AKAIN1: variants seen among roughly 807,000 people sequenced by gnomAD.
The protein encoded by AKAIN1 is A-kinase anchor inhibitor 1.
In AKAIN1, 3 loss-of-function variants were observed where a neutral mutation model predicts 3.7. The ratio of observed to expected loss-of-function variants is 0.82; its 90% confidence interval spans 0.37 to 2.12. The LOEUF (loss-of-function observed/expected upper bound fraction) is 2.12, where lower values mean the gene tolerates loss of function less well. AKAIN1 is among the 30% of genes most tolerant of loss of function. The pLI, the probability that AKAIN1 is intolerant of heterozygous loss-of-function variation, is 0.06. For missense variants in AKAIN1, 82 were observed against 82.7 expected (o/e 0.99, Z 0.03); for synonymous variants, 31 against 30.8 (o/e 1.01, Z -0.02).
rs148016819 is a variant in AKAIN1, at chr18:5,196,068, G to A, written c.16+970C>T. On this transcript the variant is annotated intron_variant, in intron 1 of 1. Coordinates refer to ENST00000434239, the MANE Select transcript of AKAIN1 (RefSeq NM_001145194.2). ...CGCCTTTTCTCCCCAGCCATCTGAA[G>A]CCCATGACCACAGCAAATACATGCC... 1.9e-4 allele frequency among the ~76,000 whole-genome samples: 29 copies of A among 152,234 alleles called. No homozygotes were observed. The East Asian group carries it at 5.2e-3, about 27-fold the overall frequency.
chr18:5,190,822 T>G (rs1008204287), intron 1 of AKAIN1, among the ~76,000 whole-genome samples: 1 of 152,284 alleles, frequency 6.6e-6, no homozygotes, highest in East Asian at 1.9e-4. Context: ...TGTCTCTTTC[T>G]GTAAAGTTAC....
At chr18:5,177,857 C>T (rs984144925) in intron 1 of AKAIN1, among the ~76,000 whole-genome samples, 1 of 152,102 alleles carries the variant, frequency 6.6e-6, no homozygotes, top group Non-Finnish European at 1.5e-5. Context: ...CTTCATTTGA[C>T]CTGGATGATT....
At chr18:5,186,368 G>T (rs1300628979) in intron 1 of AKAIN1, among the ~76,000 whole-genome samples, 1 of 151,888 alleles carries the variant, frequency 6.6e-6, no homozygotes, top group Non-Finnish European at 1.5e-5. Context: ...CTCCTGAACT[G>T]AAAATAAAAG....
At chr18:5,153,883 G>A (rs1235490705) in intron 1 of AKAIN1, among the ~76,000 whole-genome samples, 1 of 151,822 alleles carries the variant, frequency 6.6e-6, no homozygotes, top group Non-Finnish European at 1.5e-5. Context: ...TAGAAAGGGG[G>A]AGGCTGTGAA....
upstream of AKAIN1, chr18:5,197,270 G>A (rs2071354800): frequency 7.3e-7 from 1 of 1,374,498 alleles, no homozygotes; most frequent in Non-Finnish European, 9.3e-7. The surrounding 1 kb of genome is among the most constrained non-coding windows in gnomAD (Gnocchi z 6.9). Context: ...GGCCACAGCG[G>A]CGGCGGGAGG....
intron 1 of AKAIN1, among the ~76,000 whole-genome samples, chr18:5,152,167 G>T (rs957074339): frequency 6.6e-6 from 1 of 152,178 alleles, no homozygotes; most frequent in African/African-American, 2.4e-5. Context: ...CTGCGCTCTG[G>T]CCCGCTTACT....
rs539618099 is a variant in AKAIN1 at position 5,189,711 on chromosome 18, CA to C, written c.16+7326del. On this transcript the variant is annotated intron_variant, in intron 1 of 1. Coordinates refer to ENST00000434239, the MANE Select transcript of AKAIN1 (RefSeq NM_001145194.2). ...TTTCTACCAACATTCTGGTCACAAC[CA>C]CTTAAACAATCTCTGAGAAATTTCA... 1.8e-3 allele frequency among the ~76,000 whole-genome samples: 269 copies of C among 152,074 alleles called. 1 individual carries two copies. The highest frequency in any genetic ancestry group is 5.6e-3 in the African/African-American group (233 of 41,492).
intron 1 of AKAIN1, among the ~76,000 whole-genome samples, chr18:5,171,656 C>T (rs927536188): frequency 6.6e-6 from 1 of 151,874 alleles, no homozygotes; most frequent in Admixed American, 6.6e-5. Context: ...CTCACCCCAG[C>T]TAAAATGGTT....
chr18:5,189,746 C>T (rs1348295990), intron 1 of AKAIN1, among the ~76,000 whole-genome samples: 1 of 144,616 alleles, frequency 6.9e-6, no homozygotes, highest in East Asian at 2.2e-4. Context: ...CAGACTTTTC[C>T]TACAGCTCTC....
chr18:5,179,371 A>G (rs1210035706), intron 1 of AKAIN1, among the ~76,000 whole-genome samples: 2 of 152,038 alleles, frequency 1.3e-5, no homozygotes, highest in Non-Finnish European at 2.9e-5. Context: ...CACAAAAGAC[A>G]TGATTTCCTT....
Position 5,173,626 on chromosome 18 carries a change from G to A in AKAIN1, c.16+23412C>T, listed in dbSNP as rs142814215. On this transcript the variant is annotated intron_variant, in intron 1 of 1. Transcript: ENST00000434239. ...TGTTTAGCACTAGCCTAGGTGTGGC[G>A]CATAATGATTGACTAATAAATAATT... 4.6e-4 allele frequency among the ~76,000 whole-genome samples: 70 copies of A among 152,228 alleles called. 1 individual carries two copies. Among genetic ancestry groups the A allele is most frequent in the Admixed American group, 2.6e-3 (39 of 15,274 alleles).
rs745657091 is a variant in AKAIN1 at position 5,145,597 on chromosome 18, C to T, written c.175G>A (p.Val59Ile). ...SDNRDHIQLG[V>I]GELTKKHEKK ...TCGTGCTTCTTGGTTAACTCCCCAA[C>T]GCCCAGTTGGATGTGGTCCCGGTTG... The change falls in exon 2 of 2, where the codon GTT becomes ATT. Residue 59 changes from valine to isoleucine, a missense_variant. By Grantham distance (29) the Val-to-Ile change is conservative. Coordinates refer to ENST00000434239, the MANE Select transcript of AKAIN1 (RefSeq NM_001145194.2). 6.1e-5 allele frequency: 95 copies of T among 1,551,524 alleles called. No individual in the cohort carries two copies. The highest frequency in any genetic ancestry group is 1.2e-4 in the African/African-American group (9 of 73,044).
At chr18:5,174,544 C>T (rs2071215137) in intron 1 of AKAIN1, among the ~76,000 whole-genome samples, 2 of 152,080 alleles carry the variant, frequency 1.3e-5, no homozygotes, top group South Asian at 4.1e-4. Context: ...AGTTCGAGAC[C>T]AGCCTGGCCA....
chr18:5,192,790 G>A (rs1351751396), intron 1 of AKAIN1, among the ~76,000 whole-genome samples: 2 of 152,034 alleles, frequency 1.3e-5, no homozygotes, highest in African/African-American at 4.8e-5. Flanking sequence ...AGATTGGTGG[G>A]GTGAGGGGGA....
At chr18:5,159,984 C>T (rs912639651) in intron 1 of AKAIN1, among the ~76,000 whole-genome samples, 1 of 152,170 alleles carries the variant, frequency 6.6e-6, no homozygotes, top group African/African-American at 2.4e-5. Context: ...AATGAATAGA[C>T]CACAATGTTT....
chr18:5,151,289 A>G (rs2071078605), intron 1 of AKAIN1, among the ~76,000 whole-genome samples: 4 of 152,196 alleles, frequency 2.6e-5, no homozygotes, highest in Admixed American at 2.6e-4. Flanking sequence ...GGGCCCTTTA[A>G]TAATAGAATG....
intron 1 of AKAIN1, among the ~76,000 whole-genome samples, chr18:5,164,103 ATG>A (rs2071154676): frequency 6.6e-6 from 1 of 152,080 alleles, no homozygotes; most frequent in African/African-American, 2.4e-5. Flanking sequence ...TTCTCTAACC[ATG>A]TGCAAAAAAT....
At chr18:5,194,048 A>G (rs2143043406) in intron 1 of AKAIN1, among the ~76,000 whole-genome samples, 1 of 152,274 alleles carries the variant, frequency 6.6e-6, no homozygotes, top group South Asian at 2.1e-4. Flanking sequence ...TTTAGTCTTT[A>G]GCCTAAGTCA....
At chr18:5,192,445 C>CT (rs766762812) in intron 1 of AKAIN1, among the ~76,000 whole-genome samples, 1 of 126,154 alleles carries the variant, frequency 7.9e-6, no homozygotes, top group Non-Finnish European at 1.7e-5. Context: ...TTCTTTCTTT[C>CT]TTTTTCTTTT....
Sources: allele counts gnomAD v4.1 joint callset (sites outside exome capture counted in the v4.1 genomes callset), GRCh38; gene constraint gnomAD v4.1.1; non-coding constraint Gnocchi (gnomAD v3.1); transcripts MANE v1.5; gene names NCBI Gene and HGNC (gene_info 2026-07-23, HGNC 2026-07-21).